NPFFR2: variants seen among roughly 807,000 people sequenced by gnomAD.
NPFFR2 encodes G-protein coupled receptor 74.
A neutral mutation model predicts 13.1 loss-of-function variants in NPFFR2; 15 were observed. That is an observed-to-expected ratio of 1.15 (90% CI 0.77 to 1.76). The LOEUF (loss-of-function observed/expected upper bound fraction) is 1.76, where lower values mean the gene tolerates loss of function less well. Ranked by LOEUF, NPFFR2 falls within the 40% of genes most tolerant of loss-of-function variation. NPFFR2 has a pLI of 0.00. For missense variants in NPFFR2, 572 were observed against 503.5 expected (o/e 1.14, Z -1.30); for synonymous variants, 190 against 175.7 (o/e 1.08, Z -0.65).
At chr4:72,127,488 C>A (rs1287208124) in intron 1 of NPFFR2, among the ~76,000 whole-genome samples, 2 of 143,194 alleles carry the variant, frequency 1.4e-5, no homozygotes, top group African/African-American at 5.2e-5. Context: ...CTCAGCCTCC[C>A]GAGTAGCTGG....
intron 1 of NPFFR2, among the ~76,000 whole-genome samples, chr4:72,038,142 T>A (rs2109752498): frequency 6.6e-6 from 1 of 152,284 alleles, no homozygotes. Flanking sequence ...TCTCCCTGCC[T>A]GGGAATCGTG....
intron 1 of NPFFR2, among the ~76,000 whole-genome samples, chr4:72,091,343 T>C (rs1465000105): frequency 6.6e-6 from 1 of 152,128 alleles, no homozygotes; most frequent in East Asian, 1.9e-4. Flanking sequence ...AACTGCTTCA[T>C]AGAACGATTT....
chr4:72,037,465 T>C (rs6824342), intron 1 of NPFFR2, among the ~76,000 whole-genome samples: 53,162 of 151,430 alleles, frequency 0.35, 9,742 homozygotes, highest in East Asian at 0.67. Flanking sequence ...CATTTTACTT[T>C]CTGTCCTTGC....
chr4:72,088,631 A>G (rs550321072), intron 1 of NPFFR2, among the ~76,000 whole-genome samples: 2 of 152,152 alleles, frequency 1.3e-5, no homozygotes, highest in Admixed American at 1.3e-4. Flanking sequence ...GAAACTTACC[A>G]ATAGTGGCAG....
intron 1 of NPFFR2, among the ~76,000 whole-genome samples, chr4:72,105,790 T>C (rs969082987): frequency 1.3e-5 from 2 of 152,038 alleles, no homozygotes; most frequent in Non-Finnish European, 1.5e-5. Flanking sequence ...TCAGTACAAT[T>C]CCAATTTCAA....
chr4:72,147,861 A>G lies in NPFFR2; in HGVS notation c.*49A>G. On this transcript the variant is annotated 3_prime_UTR_variant, in exon 4 of 4. Transcript: ENST00000308744. ...ACTCTACTACGCATTATATATTTAA[A>G]TCCATTGCTTTTTGTGGCTTTGCAC... 1 of 1,322,106 alleles carries G rather than the reference A, an allele frequency of 7.6e-7. No individual in the cohort carries two copies. The highest frequency in any genetic ancestry group is 1.0e-6 in the Non-Finnish European group (1 of 983,596). 81.9% of individuals were successfully genotyped at this position (1,322,106 alleles called of 1,614,324 possible).
intron 1 of NPFFR2, among the ~76,000 whole-genome samples, chr4:72,065,621 C>T (rs571979462): frequency 6.6e-6 from 1 of 152,350 alleles, no homozygotes; most frequent in East Asian, 1.9e-4. Context: ...CACTCTCTTT[C>T]AGCCAAAGTG....
intron 1 of NPFFR2, among the ~76,000 whole-genome samples, chr4:72,046,889 A>G (rs927104560): frequency 1.3e-5 from 2 of 152,212 alleles, no homozygotes; most frequent in African/African-American, 4.8e-5. Flanking sequence ...GAAATGAAGA[A>G]CAATGTTTTA....
intron 1 of NPFFR2, among the ~76,000 whole-genome samples, chr4:72,050,014 G>A (rs577077647): frequency 6.6e-6 from 1 of 152,110 alleles, no homozygotes; most frequent in Non-Finnish European, 1.5e-5. Context: ...TTAGAGGGTT[G>A]GAATTTTTAG....
chr4:72,142,486 A>G (rs1295643395), intron 3 of NPFFR2, among the ~76,000 whole-genome samples: 2 of 152,276 alleles, frequency 1.3e-5, no homozygotes, highest in South Asian at 2.1e-4. Flanking sequence ...TCAGGTGGAA[A>G]TGCAGAAATA....
intron 1 of NPFFR2, among the ~76,000 whole-genome samples, chr4:72,109,158 A>G (rs1016574026): frequency 1.3e-5 from 2 of 152,002 alleles, no homozygotes; most frequent in Admixed American, 6.6e-5. Flanking sequence ...TTTTCAGAGA[A>G]AAGAAGTCCA....
intron 1 of NPFFR2, among the ~76,000 whole-genome samples, chr4:72,033,840 T>C (rs1020006819): frequency 1.3e-5 from 2 of 152,222 alleles, no homozygotes; most frequent in African/African-American, 4.8e-5. Flanking sequence ...GAATTCACTA[T>C]AAACCAATGA....
chr4:72,048,336 GGGTTTTT>G (rs1321957922), intron 1 of NPFFR2, among the ~76,000 whole-genome samples: 2 of 152,022 alleles, frequency 1.3e-5, no homozygotes, highest in African/African-American at 2.4e-5. Flanking sequence ...GGGGTAATTT[GGGTTTTT>G]GGTTTTTGGT....
chr4:72,075,005 G>A (rs13135128), intron 1 of NPFFR2, among the ~76,000 whole-genome samples: 136,859 of 152,120 alleles, frequency 0.9, 62,514 homozygotes, highest in Non-Finnish European at 0.98. Flanking sequence ...GGTTAATACT[G>A]AGTGTCAATT....
Position 72,147,054 on chromosome 4 carries a change from G to A in NPFFR2, c.505G>A (p.Val169Ile), listed in dbSNP as rs1722802459. The change falls in exon 4 of 4, where the codon GTC (valine) becomes ATC (isoleucine). Residue 169 changes from valine (V) to isoleucine (I), a missense_variant. Transcript: ENST00000308744. Reference protein sequence around the residue: ...TAFVIIMIIWVLAITIMSPSA... With the variant: ...TAFVIIMIIWILAITIMSPSA... ...GTTTGTCATTATTATGATCATCTGG[G>A]TCCTAGCCATCACCATTATGTCTCC... 6.2e-7 allele frequency: 1 copy of A among 1,613,892 alleles called. No individual in the cohort carries two copies. The highest frequency in any genetic ancestry group is 8.5e-7 in the Non-Finnish European group (1 of 1,180,018).
At chr4:72,084,987 G>A (rs377483609) in intron 1 of NPFFR2, among the ~76,000 whole-genome samples, 9 of 151,992 alleles carry the variant, frequency 5.9e-5, no homozygotes, top group East Asian at 1.9e-4. Context: ...TGCATTAGGT[G>A]GAATCCAAAA....
chr4:72,125,695 C>T (rs1222789082), intron 1 of NPFFR2, among the ~76,000 whole-genome samples: 2 of 152,184 alleles, frequency 1.3e-5, no homozygotes, highest in Admixed American at 6.5e-5. Context: ...ATCTTTAAAG[C>T]CAGCAAAGGC....
intron 1 of NPFFR2, among the ~76,000 whole-genome samples, chr4:72,108,219 G>C (rs1429901056): frequency 1.3e-5 from 2 of 152,050 alleles, no homozygotes; most frequent in East Asian, 3.9e-4. Context: ...AGGGAGTCAT[G>C]CCTCATAAAT....
intron 1 of NPFFR2, among the ~76,000 whole-genome samples, chr4:72,118,623 G>A (rs183009561): frequency 6.6e-6 from 1 of 152,078 alleles, no homozygotes; most frequent in Admixed American, 6.5e-5. Context: ...GAAAATTTGA[G>A]ACAGCAAATG....
Sources: gnomAD v4.1 joint callset for allele counts (sites outside exome capture counted in the v4.1 genomes callset) on GRCh38, gnomAD v4.1.1 for gene constraint, MANE v1.5 for transcripts, NCBI Gene and HGNC (gene_info 2026-07-23, HGNC 2026-07-21) for gene names.